Variants in PTPRD observed in about 807,000 individuals in gnomAD.
PTPRD encodes the protein receptor-type tyrosine-protein phosphatase delta.
Under a neutral mutation model 214.5 loss-of-function variants are expected in PTPRD, and 34 were observed. The observed-to-expected ratio is 0.16, with a 90% CI of 0.12 to 0.21. The LOEUF is 0.21. Among genes scored for constraint, PTPRD ranks in the 10% least tolerant of loss-of-function variants. The pLI, the probability that PTPRD is intolerant of heterozygous loss-of-function variation, is 1.00. For synonymous variants in PTPRD, 1,128 were observed against 845.7 expected, an observed-to-expected ratio of 1.33 and a Z score of -5.79; for missense variants, 2,545 against 2,398.7, an observed-to-expected ratio of 1.06 and a Z score of -1.27.
intron 11 of PTPRD, among the ~76,000 whole-genome samples, chr9:8,982,114 CA>C (rs761729362): frequency 2.6e-5 from 4 of 151,966 alleles, no homozygotes; most frequent in Non-Finnish European, 5.9e-5. Context: ...GTGAAATTAA[CA>C]CACTGAATTT....
At chr9:9,328,512 A>C (rs942466258) in intron 9 of PTPRD, among the ~76,000 whole-genome samples, 2 of 151,810 alleles carry the variant, frequency 1.3e-5, no homozygotes, top group Admixed American at 6.6e-5. Flanking sequence ...GTAACTTTAA[A>C]TCTGTCAATT....
intron 2 of PTPRD, among the ~76,000 whole-genome samples, chr9:10,584,838 A>C (rs1285368947): frequency 1.3e-5 from 2 of 152,198 alleles, no homozygotes; most frequent in African/African-American, 2.4e-5. Flanking sequence ...TGTTCAATGC[A>C]AGGAAGCTTC....
At chr9:8,853,313 C>G (rs1243573399) in intron 11 of PTPRD, among the ~76,000 whole-genome samples, 1 of 152,092 alleles carries the variant, frequency 6.6e-6, no homozygotes, top group Non-Finnish European at 1.5e-5. Flanking sequence ...ACATCTGAGG[C>G]TATAATTTCA....
At chr9:9,650,168 T>G (rs1396430133) in intron 7 of PTPRD, among the ~76,000 whole-genome samples, 1 of 152,106 alleles carries the variant, frequency 6.6e-6, no homozygotes, top group Non-Finnish European at 1.5e-5. Flanking sequence ...AAGTGTGCAG[T>G]GGTTTTCCCC....
intron 11 of PTPRD, among the ~76,000 whole-genome samples, chr9:8,935,546 T>A (rs1169992363): frequency 3.3e-5 from 5 of 152,136 alleles, no homozygotes; most frequent in African/African-American, 1.2e-4. Flanking sequence ...TTTTCATGCC[T>A]TCACAAACAT....
intron 2 of PTPRD, among the ~76,000 whole-genome samples, chr9:10,591,365 C>T (rs1376175104): frequency 6.6e-6 from 1 of 151,940 alleles, no homozygotes; most frequent in African/African-American, 2.4e-5. Context: ...ACTACTGGCA[C>T]GTGTTTTGAG....
chr9:8,919,887 CAT>C (rs1162419527), intron 11 of PTPRD, among the ~76,000 whole-genome samples: 2 of 135,206 alleles, frequency 1.5e-5, no homozygotes, highest in Non-Finnish European at 3.4e-5. Context: ...ATCATGCATA[CAT>C]AGATGTACAT....
intron 7 of PTPRD, among the ~76,000 whole-genome samples, chr9:9,716,368 C>G (rs1199988797): frequency 5.3e-5 from 8 of 151,500 alleles, no homozygotes; most frequent in Non-Finnish European, 8.8e-5. Flanking sequence ...GGTATATACC[C>G]AGTAATGGGA....
intron 10 of PTPRD, among the ~76,000 whole-genome samples, chr9:9,067,240 CA>C (rs1379651431): frequency 6.6e-6 from 1 of 152,116 alleles, no homozygotes; most frequent in Non-Finnish European, 1.5e-5. Flanking sequence ...CAAAAACAAA[CA>C]GACAAACAAA....
chr9:8,507,533 C>T, intron 21 of PTPRD, 99 bp from the exon 22 acceptor site: 7 of 1,420,162 alleles, frequency 4.9e-6, no homozygotes, highest in Admixed American at 3.7e-5. Flanking sequence ...GAAATCTGTA[C>T]ACATGTACCA....
At chr9:10,498,580 T>C (rs1056366636) in intron 2 of PTPRD, among the ~76,000 whole-genome samples, 15 of 152,002 alleles carry the variant, frequency 9.9e-5, no homozygotes, top group Admixed American at 2.0e-4. Flanking sequence ...TTTTAAGATA[T>C]ACGCATTTTT....
At chr9:8,775,564 T>A (rs2095437980) in intron 11 of PTPRD, among the ~76,000 whole-genome samples, 2 of 126,232 alleles carry the variant, frequency 1.6e-5, no homozygotes, top group South Asian at 6.1e-4. Flanking sequence ...TACTTTCTAT[T>A]ATCTCAAATA....
chr9:8,505,495 G>A (rs373290795), intron 22 of PTPRD, among the ~76,000 whole-genome samples: 21 of 151,718 alleles, frequency 1.4e-4, no homozygotes, highest in African/African-American at 4.1e-4. Context: ...GGTGGTGGGC[G>A]CCTGTGGTCC....
At chr9:8,946,765 G>A (rs2099067241) in intron 11 of PTPRD, among the ~76,000 whole-genome samples, 1 of 151,942 alleles carries the variant, frequency 6.6e-6, no homozygotes, top group Non-Finnish European at 1.5e-5. Context: ...TATCATGCAG[G>A]GTCTTCTCAT....
chr9:8,576,169 G>A (rs985439695), intron 14 of PTPRD, among the ~76,000 whole-genome samples: 5 of 152,018 alleles, frequency 3.3e-5, no homozygotes, highest in South Asian at 2.1e-4. Flanking sequence ...AAATATTAAT[G>A]TGCACACTTT....
chr9:10,374,201 C>A (rs948030560), intron 2 of PTPRD, among the ~76,000 whole-genome samples: 1 of 152,056 alleles, frequency 6.6e-6, no homozygotes, highest in Non-Finnish European at 1.5e-5. Context: ...ATCAAAATGA[C>A]TCTTGAATTA....
chr9:8,783,243 T>C (rs1423389156), intron 11 of PTPRD, among the ~76,000 whole-genome samples: 1 of 152,160 alleles, frequency 6.6e-6, no homozygotes. Context: ...AGTTGTACAT[T>C]GACATTCACA....
At chr9:9,408,741 T>C (rs575643273) in intron 8 of PTPRD, among the ~76,000 whole-genome samples, 2 of 151,992 alleles carry the variant, frequency 1.3e-5, no homozygotes, top group African/African-American at 2.4e-5. Flanking sequence ...CTGTTTTTCT[T>C]ATCTTTCAAA....
intron 5 of PTPRD, among the ~76,000 whole-genome samples, chr9:9,859,530 T>C (rs568688215): frequency 2.0e-5 from 3 of 152,208 alleles, no homozygotes; most frequent in Non-Finnish European, 4.4e-5. Flanking sequence ...AATAAGTTTA[T>C]AATAATGATT....
Sources: allele counts gnomAD v4.1 joint callset (sites outside exome capture counted in the v4.1 genomes callset), GRCh38; gene constraint gnomAD v4.1.1; transcripts MANE v1.5; gene names NCBI Gene and HGNC (gene_info 2026-07-23, HGNC 2026-07-21).